PLEKHG5: variants seen among roughly 807,000 people sequenced by gnomAD.
PLEKHG5 encodes the protein pleckstrin homology and RhoGEF domain containing G5.
A neutral mutation model predicts 103.8 loss-of-function variants in PLEKHG5; 52 were observed. The ratio of observed to expected loss-of-function variants is 0.50; its 90% CI spans 0.40 to 0.63. The LOEUF (loss-of-function observed/expected upper bound fraction) is 0.63, where lower values mean the gene tolerates loss of function less well. Among genes scored for constraint, PLEKHG5 ranks in the 30% least tolerant of loss-of-function variants. PLEKHG5 has a pLI of 0.00. For synonymous variants in PLEKHG5, 592 were observed against 575.5 expected (o/e 1.03, Z -0.41); for missense variants, 1,205 against 1,347.6 (o/e 0.89, Z 1.66).
Position 6,490,416 on chromosome 1 carries a change from A to G in PLEKHG5, c.-88+1221T>C. On this transcript the variant is annotated intron_variant, in intron 1 of 20. Transcript: ENST00000377728. This position sits in a 1 kb window ranked among gnomAD's most constrained non-coding sequence, Gnocchi z 8.0. ...GCGCCTAGTCCCACCCCCCGTCCGG[A>G]GCGCAGCTCCCACTTCCCCGCGACT... 1.0e-6 allele frequency: 1 copy of G among 982,588 alleles called. No homozygotes were observed. Among genetic ancestry groups the G allele is most frequent in the Non-Finnish European group, 1.2e-6 (1 of 827,568 alleles). The allele number at this position is 982,588 out of a possible 1,614,324, so 60.9% of individuals were successfully genotyped here. A position where few individuals can be genotyped will look rare whatever the true frequency, so the allele number is the denominator to read the frequency against.
At position 6,483,757 on chromosome 1, in the gene PLEKHG5, G is replaced by A. The variant is rs574716508; in HGVS notation, c.-87-6099C>T. ...CCCTGAATCCACAGCGCACTGCTGA[G>A]AGAAACATCAGGCTTTGCAGCTTCT... On this transcript the variant is annotated intron_variant, in intron 1 of 20. Transcript: ENST00000377728. Among the ~76,000 whole-genome samples the A allele has an allele frequency of 1.1e-4, 16 of 152,378 alleles. 1 individual carries two copies. The highest frequency in any genetic ancestry group is 3.4e-3 in the Middle Eastern group (1 of 294).
chr1:6,487,151 T>C lies in PLEKHG5; in HGVS notation c.-88+4486A>G, dbSNP rs1645057212. Reference sequence around the variant, plus strand: ...TTGTTTTTGAGACGGAATCTTGCTCTGTCACTCACGTTGGAGTGCAGTGGC... The same window carrying C: ...TTGTTTTTGAGACGGAATCTTGCTCCGTCACTCACGTTGGAGTGCAGTGGC... On this transcript the variant is annotated intron_variant, in intron 1 of 20. Transcript: ENST00000377728. The surrounding 1 kb of genome is among the most constrained non-coding windows in gnomAD (Gnocchi z 4.1). Among the ~76,000 whole-genome samples the C allele has an allele frequency of 6.6e-6, 1 of 152,234 alleles. No homozygotes were observed. The highest frequency in any genetic ancestry group is 1.5e-5 in the Non-Finnish European group (1 of 68,038).
intron 11 of PLEKHG5, 32 bp from the exon 12 acceptor site, chr1:6,471,669 C>T (rs1162710617): frequency 1.9e-6 from 3 of 1,569,412 alleles, no homozygotes; most frequent in East Asian, 4.7e-5. Flanking sequence ...GTTGGCCACG[C>T]CCCTCCGCCA....
Position 6,468,022 on chromosome 1 carries a change from A to C in PLEKHG5, c.2814T>G (p.Gly938=). 1 of 1,553,620 alleles carries C rather than the reference A, an allele frequency of 6.4e-7. No individual in the cohort carries two copies. Among genetic ancestry groups the C allele is most frequent in the Non-Finnish European group, 8.7e-7 (1 of 1,151,504 alleles). The change falls in exon 20 of 21, where the codon GGT becomes GGG. Residue 938 remains glycine (G), a synonymous_variant. Transcript: ENST00000377728. ...DCRGAPSPGS[G]PGLVGCLAGE... is the part of the protein sequence containing the mutation. Reference sequence around the variant, plus strand: ...CGGCCAGGCAGCCGACTAGCCCAGGACCGCTGCCAGGGCTAGGGGCCCCTC... The same window carrying C: ...CGGCCAGGCAGCCGACTAGCCCAGGCCCGCTGCCAGGGCTAGGGGCCCCTC...
chr1:6,495,824 C>T (rs1317830276), upstream of PLEKHG5, among the ~76,000 whole-genome samples: 3 of 152,246 alleles, frequency 2.0e-5, no homozygotes, highest in Non-Finnish European at 4.4e-5. Flanking sequence ...AACGGGGTGA[C>T]GATGCCTTCC....
intron 1 of PLEKHG5, among the ~76,000 whole-genome samples, chr1:6,516,579 C>T (rs1253632189): frequency 6.6e-6 from 1 of 151,890 alleles, no homozygotes; most frequent in Non-Finnish European, 1.5e-5. Flanking sequence ...ACTGCTTGAA[C>T]CCGGGAGGTG....
intron 1 of PLEKHG5, among the ~76,000 whole-genome samples, chr1:6,516,884 A>G (rs1434728340): frequency 2.9e-4 from 3 of 10,394 alleles, no homozygotes; most frequent in East Asian, 7.1e-3. Flanking sequence ...ATATATATAT[A>G]TACACATATA....
At chr1:6,504,577 T>C (rs1638252009) in intron 1 of PLEKHG5, among the ~76,000 whole-genome samples, 1 of 150,248 alleles carries the variant, frequency 6.7e-6, no homozygotes. Context: ...TTTTTCTTTT[T>C]TTTTTTTTTT....
At chr1:6,517,972 G>A (rs981431295) in intron 1 of PLEKHG5, among the ~76,000 whole-genome samples, 5 of 151,890 alleles carry the variant, frequency 3.3e-5, no homozygotes, top group African/African-American at 9.7e-5. Context: ...TCGCTCTGTC[G>A]CCCAGGCTGG....
In PLEKHG5 at chr1:6,487,195, G is replaced by A. The variant is rs1444730345; in HGVS notation, c.-88+4442C>T. On this transcript the variant is annotated intron_variant, in intron 1 of 20. Transcript: ENST00000377728. The surrounding 1 kb of genome is among the most constrained non-coding windows in gnomAD (Gnocchi z 4.1). Reference sequence around the variant, plus strand: ...CAGTGGCATGATCCCAGCTCACTACGACCTCCACCTCCCAGGTTCAAGTGA... The same window carrying A: ...CAGTGGCATGATCCCAGCTCACTACAACCTCCACCTCCCAGGTTCAAGTGA... Among the ~76,000 whole-genome samples the A allele has an allele frequency of 7.2e-5, 11 of 152,036 alleles. No homozygotes were observed. The highest frequency in any genetic ancestry group is 2.7e-4 in the African/African-American group (11 of 41,384).
chr1:6,483,907 C>T (rs961717224), intron 1 of PLEKHG5, among the ~76,000 whole-genome samples: 1 of 152,234 alleles, frequency 6.6e-6, no homozygotes, highest in East Asian at 1.9e-4. Context: ...CTCTGTGAAC[C>T]CAGCCAGCAT....
intron 1 of PLEKHG5, among the ~76,000 whole-genome samples, chr1:6,502,785 C>T (rs545370446): frequency 6.6e-6 from 1 of 152,382 alleles, no homozygotes; most frequent in East Asian, 1.9e-4. Context: ...CAGGGTCTGG[C>T]TGGCACAGAG....
chr1:6,484,165 T>C (rs1381286427), intron 1 of PLEKHG5, among the ~76,000 whole-genome samples: 2 of 152,230 alleles, frequency 1.3e-5, no homozygotes, highest in African/African-American at 2.4e-5. Context: ...GATACCCTGA[T>C]TCGCTCCTTA....
rs1260950754 is a variant in PLEKHG5 at position 6,516,876 on chromosome 1, A to G, written c.-165+2569T>C. Among the ~76,000 whole-genome samples, 8 of 20,908 alleles carry G rather than the reference A, an allele frequency of 3.8e-4. No homozygotes were observed. In the East Asian group the frequency reaches 0.01, roughly 27 times the overall value. 13.7% of individuals were successfully genotyped at this position (20,908 alleles called of 152,430 possible). A position where few individuals can be genotyped will look rare whatever the true frequency, so the allele number is the denominator to read the frequency against. ...TGTGTGTATATATGTGTATATATAT[A>G]TATATATATACACATATATATATAT... On this transcript the variant is annotated intron_variant, in intron 1 of 21. Coordinates refer to the PLEKHG5 transcript ENST00000377740.
chr1:6,516,862 A>G (rs562040022), intron 1 of PLEKHG5, among the ~76,000 whole-genome samples: 39 of 24,330 alleles, frequency 1.6e-3, no homozygotes, highest in Admixed American at 0.013. Context: ...GTGTGTATAT[A>G]TGTGTATATA....
intron 1 of PLEKHG5, among the ~76,000 whole-genome samples, chr1:6,509,063 G>A (rs576337091): frequency 7.3e-4 from 111 of 152,342 alleles, no homozygotes; most frequent in African/African-American, 2.6e-3. Context: ...CTCAGCTGGA[G>A]GGCTGCTCTC....
intron 1 of PLEKHG5, among the ~76,000 whole-genome samples, chr1:6,515,173 C>G (rs1037395650): frequency 6.6e-6 from 1 of 152,226 alleles, no homozygotes; most frequent in African/African-American, 2.4e-5. Flanking sequence ...AGTAGGAACT[C>G]TGCTTCCAAC....
chr1:6,478,487 G>T (rs1172377061), intron 1 of PLEKHG5, among the ~76,000 whole-genome samples: 2 of 152,038 alleles, frequency 1.3e-5, no homozygotes, highest in Non-Finnish European at 2.9e-5. Context: ...CCATTTTACA[G>T]AGGCCTCACC....
intron 1 of PLEKHG5, among the ~76,000 whole-genome samples, chr1:6,506,421 G>A (rs369229397): frequency 3.0e-4 from 45 of 152,270 alleles, no homozygotes; most frequent in African/African-American, 1.0e-3. Flanking sequence ...TCGCCTTCCC[G>A]GCCCCCTCGG....
Sources: gnomAD v4.1 joint callset for allele counts (sites outside exome capture counted in the v4.1 genomes callset) on GRCh38, gnomAD v4.1.1 for gene constraint, Gnocchi (gnomAD v3.1) non-coding constraint, MANE v1.5 for transcripts, NCBI Gene and HGNC (gene_info 2026-07-23, HGNC 2026-07-21) for gene names.